GABRG3: variants seen among roughly 807,000 people sequenced by gnomAD.
GABRG3 encodes the protein gamma-aminobutyric acid type A receptor subunit gamma3, also known as gamma-aminobutyric acid receptor subunit gamma-3.
A neutral mutation model predicts 48.8 loss-of-function variants in GABRG3; 25 were observed. The observed-to-expected ratio is 0.51, with a 90% CI of 0.37 to 0.72. The LOEUF (loss-of-function observed/expected upper bound fraction) is 0.72. GABRG3 is among the 30% of genes least tolerant of loss of function. The pLI is 0.00. For synonymous variants in GABRG3, 227 were observed against 217.6 expected, an observed-to-expected ratio of 1.04 and a Z score of -0.38; for missense variants, 394 against 577.9, an observed-to-expected ratio of 0.68 and a Z score of 3.26.
At chr15:27,178,406 G>A (rs2140415082) in intron 3 of GABRG3, among the ~76,000 whole-genome samples, 1 of 152,274 alleles carries the variant, frequency 6.6e-6, no homozygotes, top group South Asian at 2.1e-4. Flanking sequence ...GCCATGCTTG[G>A]CATATCACAG....
intron 6 of GABRG3, among the ~76,000 whole-genome samples, chr15:27,514,914 G>C (rs1890982075): frequency 6.6e-6 from 1 of 152,154 alleles, no homozygotes; most frequent in African/African-American, 2.4e-5. Context: ...AGAAGTAATT[G>C]CATAGAAGGA....
At chr15:27,010,282 C>T (rs1279175341) in intron 2 of GABRG3, among the ~76,000 whole-genome samples, 1 of 152,202 alleles carries the variant, frequency 6.6e-6, no homozygotes, top group Non-Finnish European at 1.5e-5. Context: ...ATTTTGTCCT[C>T]TCTCTGTTTG....
chr15:27,127,722 G>A lies in GABRG3; in HGVS notation c.270+100901G>A, dbSNP rs1897846044. 2.0e-5 allele frequency among the ~76,000 whole-genome samples: 3 copies of A among 151,398 alleles called. No homozygotes were observed. The South Asian group carries it at 6.2e-4, about 31-fold the overall frequency. ...CCTTTTTCCCCAAGTCATCAACTTA[G>A]CATTCAAAGCAATAATCATTCTTTA... On this transcript the variant is annotated intron_variant, in intron 3 of 9. Transcript: ENST00000615808.
chr15:27,043,972 C>T (rs1271437930), intron 3 of GABRG3, among the ~76,000 whole-genome samples: 3 of 152,214 alleles, frequency 2.0e-5, no homozygotes, highest in Non-Finnish European at 4.4e-5. Context: ...TCAACTCCTC[C>T]CTGGCCTTTG....
At chr15:27,283,955 C>G (rs1482798012) in intron 3 of GABRG3, among the ~76,000 whole-genome samples, 3 of 152,134 alleles carry the variant, frequency 2.0e-5, no homozygotes, top group Non-Finnish European at 2.9e-5. Flanking sequence ...AGTCTCTTTT[C>G]TAAGAGAGGA....
chr15:27,339,736 G>A (rs1441364478), intron 5 of GABRG3, among the ~76,000 whole-genome samples: 1 of 152,230 alleles, frequency 6.6e-6, no homozygotes, highest in Non-Finnish European at 1.5e-5. Flanking sequence ...TTGAAGGTGG[G>A]TTATTTTATT....
At position 27,491,077 on chromosome 15, in the gene GABRG3, G is replaced by A. The variant is rs191746222; in HGVS notation, c.712+10290G>A. 9.8e-5 allele frequency among the ~76,000 whole-genome samples: 15 copies of A among 152,342 alleles called. No homozygotes were observed. The East Asian group carries it at 1.9e-3, about 20-fold the overall frequency. On this transcript the variant is annotated intron_variant, in intron 6 of 9. Coordinates refer to ENST00000615808, the MANE Select transcript of GABRG3 (RefSeq NM_033223.5). ...ATGAGAGGAATGCAGGAATGCAGTC[G>A]TTTTGCAAGCACCTGGCCCTTGGCA...
chr15:27,136,467 G>C (rs1898009267), intron 3 of GABRG3, among the ~76,000 whole-genome samples: 1 of 152,050 alleles, frequency 6.6e-6, no homozygotes, highest in Non-Finnish European at 1.5e-5. Context: ...GTGGAAGGTG[G>C]CTGTGCTTAA....
At chr15:27,340,286 G>C (rs1894125943) in intron 5 of GABRG3, among the ~76,000 whole-genome samples, 1 of 152,116 alleles carries the variant, frequency 6.6e-6, no homozygotes, top group Non-Finnish European at 1.5e-5. Flanking sequence ...GAATTCCCAG[G>C]GGAAAGAAAG....
At chr15:27,085,674 TTTTG>T (rs1407843413) in intron 3 of GABRG3, among the ~76,000 whole-genome samples, 1 of 152,212 alleles carries the variant, frequency 6.6e-6, no homozygotes, top group Non-Finnish European at 1.5e-5. Flanking sequence ...ACAAACTTTT[TTTTG>T]TTTATGAACT....
intron 3 of GABRG3, among the ~76,000 whole-genome samples, chr15:27,313,709 A>T (rs532779761): frequency 1.3e-4 from 20 of 152,256 alleles, no homozygotes; most frequent in Non-Finnish European, 2.2e-4. Flanking sequence ...TATTAAAATG[A>T]ATAATTTTGA....
At chr15:27,111,891 T>TG (rs1897555857) in intron 3 of GABRG3, among the ~76,000 whole-genome samples, 2 of 152,196 alleles carry the variant, frequency 1.3e-5, no homozygotes, top group South Asian at 4.1e-4. Context: ...GTTCAGCTCT[T>TG]GCAAAGTGAT....
At chr15:27,219,778 C>T (rs906131765) in intron 3 of GABRG3, among the ~76,000 whole-genome samples, 1 of 152,238 alleles carries the variant, frequency 6.6e-6, no homozygotes, top group Non-Finnish European at 1.5e-5. Context: ...TCCCTCCTCG[C>T]CTTGCCTATA....
chr15:27,500,952 G>GT (rs61305255), intron 6 of GABRG3, among the ~76,000 whole-genome samples: 6,950 of 122,058 alleles, frequency 0.057, 852 homozygotes, highest in African/African-American at 0.2. Flanking sequence ...AGTAACGTAT[G>GT]TTTTTTTTTT....
At chr15:27,251,715 G>A (rs982838792) in intron 3 of GABRG3, among the ~76,000 whole-genome samples, 1 of 152,216 alleles carries the variant, frequency 6.6e-6, no homozygotes, top group East Asian at 1.9e-4. Flanking sequence ...AAGTAACTGT[G>A]TAGCCTTTAT....
At chr15:27,333,897 A>T (rs1009268794) in intron 5 of GABRG3, among the ~76,000 whole-genome samples, 4 of 152,232 alleles carry the variant, frequency 2.6e-5, no homozygotes, top group African/African-American at 9.6e-5. Flanking sequence ...AAAAAATTAA[A>T]TAAAAAGGCA....
intron 3 of GABRG3, among the ~76,000 whole-genome samples, chr15:27,116,380 CAT>C (rs979802579): frequency 3.2e-4 from 48 of 152,218 alleles, no homozygotes; most frequent in African/African-American, 1.1e-3. Flanking sequence ...ATTTTTTTCT[CAT>C]ATATGTCTTG....
chr15:26,980,113 T>C (rs887731460), intron 2 of GABRG3, among the ~76,000 whole-genome samples: 2 of 152,196 alleles, frequency 1.3e-5, no homozygotes, highest in Non-Finnish European at 2.9e-5. Context: ...GCATTGTTCA[T>C]GATATTCCCT....
chr15:27,134,473 T>G (rs1897973392), intron 3 of GABRG3, among the ~76,000 whole-genome samples: 1 of 152,166 alleles, frequency 6.6e-6, no homozygotes, highest in Non-Finnish European at 1.5e-5. Flanking sequence ...TCCGCTCTGT[T>G]CAAAGTTAGC....
Sources: gnomAD v4.1 joint callset for allele counts (sites outside exome capture counted in the v4.1 genomes callset) on GRCh38, gnomAD v4.1.1 for gene constraint, MANE v1.5 for transcripts, NCBI Gene and HGNC (gene_info 2026-07-23, HGNC 2026-07-21) for gene names.